NFU1: variants seen among roughly 807,000 people sequenced by gnomAD.
NFU1 encodes the protein NFU1 iron-sulfur cluster scaffold.
NFU1 carries 30 observed loss-of-function variants against 32.2 expected under a neutral mutation model. The observed-to-expected ratio is 0.93, with a 90% CI of 0.70 to 1.26. The LOEUF is 1.26. Ranked by LOEUF, NFU1 falls within the 50% of genes most tolerant of loss-of-function variation. The probability of loss-of-function intolerance (pLI) is 0.00; values close to 1 mark genes in which losing one functional copy is unlikely to be tolerated. For missense variants in NFU1, 306 were observed against 306.6 expected (o/e 1.00, Z 0.02); for synonymous variants, 112 against 104.6 (o/e 1.07, Z -0.43).
chr2:69,397,937 C>T (rs1359635095), intron 7 of NFU1, among the ~76,000 whole-genome samples: 1 of 146,418 alleles, frequency 6.8e-6, no homozygotes, highest in African/African-American at 2.5e-5. Context: ...AAAAAAAATC[C>T]AGATTCTGGC....
At chr2:69,421,936 T>A (rs1673260220) in intron 3 of NFU1, among the ~76,000 whole-genome samples, 2 of 152,094 alleles carry the variant, frequency 1.3e-5, no homozygotes, top group Non-Finnish European at 2.9e-5. Context: ...CCCCAGTGGA[T>A]CCCTGAAACT....
chr2:69,415,813 C>T (rs1245692964), intron 4 of NFU1, among the ~76,000 whole-genome samples: 1 of 152,062 alleles, frequency 6.6e-6, no homozygotes, highest in Non-Finnish European at 1.5e-5. Flanking sequence ...GCCACAGCGC[C>T]TGGCCCCCTT....
intron 4 of NFU1, among the ~76,000 whole-genome samples, chr2:69,417,496 A>T (rs1223956091): frequency 6.6e-6 from 1 of 151,778 alleles, no homozygotes; most frequent in Admixed American, 6.6e-5. Context: ...AAAAAATAAA[A>T]AAAAAATTAG....
intron 3 of NFU1, among the ~76,000 whole-genome samples, chr2:69,422,311 T>C (rs577120730): frequency 2.0e-5 from 3 of 152,308 alleles, no homozygotes; most frequent in African/African-American, 7.2e-5. Flanking sequence ...TTTCTGGAAT[T>C]TTCCATTTAA....
chr2:69,414,148 A>C (rs941070986), intron 5 of NFU1, among the ~76,000 whole-genome samples: 2 of 152,252 alleles, frequency 1.3e-5, no homozygotes, highest in Non-Finnish European at 2.9e-5. Context: ...CAATGTTTTC[A>C]ATAAAAATTA....
chr2:69,423,278 G>GTGTA (rs1673326327), intron 3 of NFU1, among the ~76,000 whole-genome samples: 1 of 125,274 alleles, frequency 8.0e-6, no homozygotes, highest in African/African-American at 3.1e-5. Context: ...GTGTGTGTGT[G>GTGTA]TGTGTGTGTG....
intron 2 of NFU1, among the ~76,000 whole-genome samples, chr2:69,429,106 T>C (rs979282119): frequency 2.6e-5 from 4 of 152,230 alleles, no homozygotes; most frequent in Admixed American, 6.5e-5. Flanking sequence ...ATCTGTGTTA[T>C]AAGGGAATGA....
At chr2:69,408,573 A>C (rs1050523024) in intron 5 of NFU1, among the ~76,000 whole-genome samples, 1 of 151,772 alleles carries the variant, frequency 6.6e-6, no homozygotes, top group East Asian at 1.9e-4. Flanking sequence ...TACAGAAATT[A>C]GCCGGGAGTG....
chr2:69,432,652 G>A (rs1673678049), intron 1 of NFU1, among the ~76,000 whole-genome samples: 1 of 151,480 alleles, frequency 6.6e-6, no homozygotes, highest in South Asian at 2.1e-4. Context: ...TATACAGGAA[G>A]GAAGCAAATA....
chr2:69,408,735 T>A, intron 5 of NFU1, among the ~76,000 whole-genome samples: 1 of 2,474 alleles, frequency 4.0e-4, no homozygotes, highest in African/African-American at 0.013. Flanking sequence ...TATAAAATTT[T>A]ATATATATAT....
chr2:69,428,397 A>G (rs919631179), intron 2 of NFU1, among the ~76,000 whole-genome samples: 2 of 152,026 alleles, frequency 1.3e-5, no homozygotes, highest in Non-Finnish European at 2.9e-5. Context: ...CACGCACTCC[A>G]GCCTGCGAGA....
At chr2:69,434,604 T>G (rs1274546039) in intron 1 of NFU1, among the ~76,000 whole-genome samples, 1 of 152,208 alleles carries the variant, frequency 6.6e-6, no homozygotes, top group Non-Finnish European at 1.5e-5. Context: ...CAATTTACTT[T>G]AAAATCCGGT....
At chr2:69,399,478 T>C (rs1473752927) in intron 7 of NFU1, 13 of 408,542 alleles carry the variant, frequency 3.2e-5, no homozygotes, top group African/African-American at 8.4e-5. Flanking sequence ...GATTTCTTAA[T>C]GGGCTTCTTG....
At chr2:69,426,115 G>C (rs2104800446) in intron 2 of NFU1, among the ~76,000 whole-genome samples, 1 of 152,040 alleles carries the variant, frequency 6.6e-6, no homozygotes, top group East Asian at 1.9e-4. Flanking sequence ...TGGAACTACA[G>C]GTGTGCACCA....
At chr2:69,433,124 TG>T (rs545606141) in intron 1 of NFU1, among the ~76,000 whole-genome samples, 1,640 of 123,086 alleles carry the variant, frequency 0.013, 35 homozygotes, top group African/African-American at 0.048. Context: ...CACTCCAGCC[TG>T]GCCCAAAGAG....
At chr2:69,402,309 C>T (rs1289501083) in intron 6 of NFU1, among the ~76,000 whole-genome samples, 1 of 152,172 alleles carries the variant, frequency 6.6e-6, no homozygotes, top group Non-Finnish European at 1.5e-5. Flanking sequence ...ATCTTCTAAT[C>T]TGTACCCTGC....
chr2:69,419,660 A>C (rs1299753228), intron 3 of NFU1, 56 bp from the exon 4 acceptor site: 2 of 1,047,532 alleles, frequency 1.9e-6, no homozygotes, highest in Non-Finnish European at 2.9e-6. Flanking sequence ...GAAAAGTTTA[A>C]ACATACACAA....
chr2:69,418,459 C>T (rs189971518), intron 4 of NFU1, among the ~76,000 whole-genome samples: 112 of 152,172 alleles, frequency 7.4e-4, no homozygotes, highest in Non-Finnish European at 2.9e-5. Flanking sequence ...GTCACTAACC[C>T]AGTATGTCCC....
At chr2:69,402,683 G>A (rs1672561871) in intron 6 of NFU1, among the ~76,000 whole-genome samples, 1 of 152,022 alleles carries the variant, frequency 6.6e-6, no homozygotes, top group Non-Finnish European at 1.5e-5. Flanking sequence ...CCGGGTTCAA[G>A]GGATTCTCCT....
Sources: allele counts gnomAD v4.1 joint callset (sites outside exome capture counted in the v4.1 genomes callset), GRCh38; gene constraint gnomAD v4.1.1; transcripts MANE v1.5; gene names NCBI Gene and HGNC (gene_info 2026-07-23, HGNC 2026-07-21).